The following PRR16 variants were observed in gnomAD, a reference collection of about 807,000 sequenced individuals.
The protein encoded by PRR16 is proline rich 16.
In PRR16, 6 loss-of-function variants were observed where a neutral mutation model predicts 18.2. That is an observed-to-expected ratio of 0.33 (90% CI 0.18 to 0.65). The LOEUF is 0.65. Among genes scored for constraint, PRR16 ranks in the 30% least tolerant of loss-of-function variants. The probability of loss-of-function intolerance (pLI) is 0.74; values close to 1 mark genes in which losing one functional copy is unlikely to be tolerated. For synonymous variants in PRR16, 151 were observed against 147.8 expected, an observed-to-expected ratio of 1.02 and a Z score of -0.16; for missense variants, 412 against 376.6, an observed-to-expected ratio of 1.09 and a Z score of -0.78.
intron 1 of PRR16, among the ~76,000 whole-genome samples, chr5:120,665,645 G>A (rs1192292426): frequency 8.5e-5 from 13 of 152,090 alleles, no homozygotes; most frequent in Non-Finnish European, 1.3e-4. Context: ...TAAGGTGTAA[G>A]GAAGGGATCC....
chr5:120,579,647 T>C (rs1298445144), intron 1 of PRR16, among the ~76,000 whole-genome samples: 1 of 152,226 alleles, frequency 6.6e-6, no homozygotes, highest in Non-Finnish European at 1.5e-5. Context: ...GTGTAGCCTG[T>C]AATATAGTTT....
At chr5:120,640,084 A>G (rs1395302473) in intron 1 of PRR16, among the ~76,000 whole-genome samples, 2 of 152,064 alleles carry the variant, frequency 1.3e-5, no homozygotes, top group Non-Finnish European at 2.9e-5. Context: ...AGTGGGAGCT[A>G]AGCATGTTTA....
the PRR16 span, among the ~76,000 whole-genome samples, chr5:120,794,007 T>G: frequency 7.2e-5 from 11 of 152,138 alleles, no homozygotes; most frequent in African/African-American, 2.7e-4. Flanking sequence ...TGGTTCCTTG[T>G]TAATAGAATG....
chr5:120,496,491 G>A (rs539158796), intron 1 of PRR16, among the ~76,000 whole-genome samples: 9 of 152,152 alleles, frequency 5.9e-5, no homozygotes, highest in Non-Finnish European at 1.2e-4. Context: ...ATTTATGTTT[G>A]TAGAGTTGTT....
intron 1 of PRR16, among the ~76,000 whole-genome samples, chr5:120,505,976 T>G (rs1317868624): frequency 6.7e-6 from 1 of 148,804 alleles, no homozygotes; most frequent in African/African-American, 2.5e-5. Flanking sequence ...ATATACACAT[T>G]TTTTCTACAT....
intron 1 of PRR16, among the ~76,000 whole-genome samples, chr5:120,639,373 A>G (rs764163977): frequency 4.6e-5 from 7 of 152,138 alleles, no homozygotes; most frequent in Non-Finnish European, 1.0e-4. Context: ...TGATATATTC[A>G]GGTAAATCAT....
chr5:120,577,425 C>CA (rs1175794295), intron 1 of PRR16, among the ~76,000 whole-genome samples: 1 of 151,522 alleles, frequency 6.6e-6, no homozygotes, highest in African/African-American at 2.4e-5. Context: ...ATTTGACTGG[C>CA]ATACTAGTTC....
At position 120,686,609 on chromosome 5, in the gene PRR16, G is replaced by C; in HGVS notation, c.815G>C (p.Ser272Thr). The C allele has an allele frequency of 6.2e-7, 1 of 1,613,120 alleles. No individual in the cohort carries two copies. The highest frequency in any genetic ancestry group is 1.3e-5 in the African/African-American group (1 of 74,976). The stretch of plus-strand genomic sequence containing the variant: ...AATGGGGGAATGGGAATAAGCCACA[G>C]TAACAGCTTCCCCCCTATCAGACCT... ...LENGGMGISHSNSFPPIRPAT... is the reference protein window; with the variant it reads ...LENGGMGISHTNSFPPIRPAT... Residue 272 changes from serine (S) to threonine (T), a missense_variant, in exon 2 of 2, where the codon AGT becomes ACT. By Grantham distance (58) the Ser-to-Thr change is moderately conservative (BLOSUM62 1). Transcript: ENST00000407149.
chr5:120,769,690 G>T, the PRR16 span, among the ~76,000 whole-genome samples: 1 of 151,582 alleles, frequency 6.6e-6, no homozygotes, highest in Non-Finnish European at 1.5e-5. Context: ...GATTTTTTTT[G>T]ACTTACTGAT....
At chr5:120,760,277 T>G in the PRR16 span, among the ~76,000 whole-genome samples, 4 of 152,280 alleles carry the variant, frequency 2.6e-5, no homozygotes, top group East Asian at 7.7e-4. Context: ...GAATTCATGT[T>G]TAAATTAATT....
chr5:120,615,843 A>G (rs1754493100), intron 1 of PRR16, among the ~76,000 whole-genome samples: 1 of 152,148 alleles, frequency 6.6e-6, no homozygotes, highest in African/African-American at 2.4e-5. Flanking sequence ...GTTCCCAGTA[A>G]CCAGGAGGGT....
At chr5:120,680,790 G>C (rs576998547) in intron 1 of PRR16, among the ~76,000 whole-genome samples, 4 of 152,240 alleles carry the variant, frequency 2.6e-5, no homozygotes, top group Admixed American at 2.6e-4. Context: ...TCAATTACTA[G>C]TAAGACTGAG....
chr5:120,769,897 C>G, the PRR16 span, among the ~76,000 whole-genome samples: 3 of 151,604 alleles, frequency 2.0e-5, no homozygotes, highest in African/African-American at 4.8e-5. Flanking sequence ...TTAATAAAAG[C>G]CAACTTAACA....
intron 1 of PRR16, among the ~76,000 whole-genome samples, chr5:120,581,812 G>A (rs1753281427): frequency 6.6e-6 from 1 of 152,094 alleles, no homozygotes; most frequent in Non-Finnish European, 1.5e-5. Context: ...CAATTTCCAT[G>A]AAATTGTGTG....
chr5:120,574,610 AAAC>A (rs544864461), intron 1 of PRR16, among the ~76,000 whole-genome samples: 4 of 149,692 alleles, frequency 2.7e-5, no homozygotes, highest in Admixed American at 2.0e-4. Flanking sequence ...TCAAAAACAA[AAAC>A]AACAACGACG....
intron 1 of PRR16, among the ~76,000 whole-genome samples, chr5:120,682,249 C>T (rs1283625649): frequency 2.0e-5 from 3 of 152,166 alleles, no homozygotes; most frequent in African/African-American, 7.2e-5. Flanking sequence ...TAAGCTCCAA[C>T]TCATCCTTAC....
chr5:120,512,322 T>G (rs1346124677), intron 1 of PRR16, among the ~76,000 whole-genome samples: 28 of 152,140 alleles, frequency 1.8e-4, no homozygotes, highest in Admixed American at 1.8e-3. Context: ...ACCAAATCCC[T>G]TAAAGATCAC....
intron 1 of PRR16, among the ~76,000 whole-genome samples, chr5:120,585,349 C>A (rs995391633): frequency 6.6e-6 from 1 of 152,126 alleles, no homozygotes; most frequent in Admixed American, 6.5e-5. Context: ...GTGGCTCATG[C>A]CTGTAATCCC....
intron 1 of PRR16, among the ~76,000 whole-genome samples, chr5:120,538,080 T>C (rs1024070425): frequency 6.6e-6 from 1 of 152,206 alleles, no homozygotes; most frequent in Non-Finnish European, 1.5e-5. Flanking sequence ...CCGGCCGTTG[T>C]TTATAATATA....
Sources: gnomAD v4.1 joint callset for allele counts (sites outside exome capture counted in the v4.1 genomes callset) on GRCh38, gnomAD v4.1.1 for gene constraint, MANE v1.5 for transcripts, NCBI Gene and HGNC (gene_info 2026-07-23, HGNC 2026-07-21) for gene names.